RAD52: variants seen among roughly 807,000 people sequenced by gnomAD.
RAD52 encodes the protein DNA repair protein RAD52 homolog.
RAD52 carries 47 observed loss-of-function variants against 55.5 expected under a neutral mutation model. The ratio of observed to expected loss-of-function variants is 0.85; its 90% CI spans 0.67 to 1.08. The LOEUF (loss-of-function observed/expected upper bound fraction) is 1.08, where lower values mean the gene tolerates loss of function less well. RAD52 is among the 50% of genes least tolerant of loss of function. RAD52 has a pLI of 0.00. For synonymous variants in RAD52, 184 were observed against 198.9 expected (o/e 0.92, Z 0.63); for missense variants, 468 against 522.8 (o/e 0.90, Z 1.02).
intron 1 of RAD52, among the ~76,000 whole-genome samples, chr12:970,163 C>T (rs367725973): frequency 1.9e-4 from 29 of 151,756 alleles, no homozygotes; most frequent in Admixed American, 4.6e-4. Flanking sequence ...AAAAATTAGC[C>T]GGGTGTGGTG....
chr12:920,675 G>T (rs1956678540), intron 7 of RAD52, among the ~76,000 whole-genome samples: 1 of 152,198 alleles, frequency 6.6e-6, no homozygotes, highest in South Asian at 2.1e-4. Flanking sequence ...ATTGTAAGGT[G>T]AAATAAAAGC....
At chr12:918,998 T>A (rs2154109799) in intron 7 of RAD52, among the ~76,000 whole-genome samples, 1 of 152,106 alleles carries the variant, frequency 6.6e-6, no homozygotes, top group Non-Finnish European at 1.5e-5. Flanking sequence ...ATATATAAAG[T>A]TCAAAAACAG....
At chr12:913,776 C>T (rs1332243234) in intron 11 of RAD52, 118 bp downstream of exon 11, 2 of 958,704 alleles carry the variant, frequency 2.1e-6, no homozygotes, top group African/African-American at 1.6e-5. Flanking sequence ...GTACCATTCC[C>T]TAATAGAAGT....
chr12:914,065 C>T lies in RAD52; in HGVS notation c.1024G>A (p.Val342Met), dbSNP rs1447101835. The T allele has an allele frequency of 6.2e-7, 1 of 1,614,174 alleles. No homozygotes were observed. The highest frequency in any genetic ancestry group is 2.2e-5 in the East Asian group (1 of 44,876). The change falls in exon 11 of 12, where the codon GTG (valine) becomes ATG (methionine). Residue 342 changes from valine (V) to methionine (M), a missense_variant. Transcript: ENST00000358495. Reference protein sequence around the residue: ...WAVTPDAGDGVVKPSSRADPA... With the variant: ...WAVTPDAGDGMVKPSSRADPA... ...TCTGCTCTAGACGAGGGCTTGACCACACCATCCCCTGCATCGGGAGTCACA... is the reference window on the plus strand; with the variant it reads ...TCTGCTCTAGACGAGGGCTTGACCATACCATCCCCTGCATCGGGAGTCACA...
At chr12:917,547 G>A (rs990186613) in intron 7 of RAD52, among the ~76,000 whole-genome samples, 7 of 152,058 alleles carry the variant, frequency 4.6e-5, no homozygotes, top group African/African-American at 1.7e-4. Flanking sequence ...TTATAGTGCA[G>A]ATTTCATGTC....
chr12:986,227 C>T (rs1027713375), intron 1 of RAD52, among the ~76,000 whole-genome samples: 3 of 152,256 alleles, frequency 2.0e-5, no homozygotes, highest in African/African-American at 4.8e-5. Context: ...AGCCGCCGCA[C>T]CTGGCCTTGT....
chr12:942,505 T>C (rs1481676275), intron 1 of RAD52, among the ~76,000 whole-genome samples: 2 of 152,184 alleles, frequency 1.3e-5, no homozygotes, highest in African/African-American at 4.8e-5. Context: ...TCCCAGCATG[T>C]TGGGAGACCG....
In RAD52 at chr12:920,332, A is replaced by G. The variant is rs1253251028; in HGVS notation, c.544-3512T>C. ...AGCATTTTGGGAGGCCGAGGTGGGC[A>G]GATCACGAGGTCAGGATATCGAGAC... is the stretch of plus-strand genomic sequence containing the variant. On this transcript the variant is annotated intron_variant, in intron 7 of 11. Coordinates refer to ENST00000358495, the MANE Select transcript of RAD52 (RefSeq NM_134424.4). 2.5e-5 allele frequency among the ~76,000 whole-genome samples: 3 copies of G among 118,394 alleles called. 1 individual carries two copies. Among genetic ancestry groups the G allele is most frequent in the African/African-American group, 7.0e-5 (2 of 28,750 alleles). 77.7% of individuals were successfully genotyped at this position (118,394 alleles called of 152,430 possible).
At chr12:920,511 C>T (rs1312197752) in intron 7 of RAD52, among the ~76,000 whole-genome samples, 3 of 150,136 alleles carry the variant, frequency 2.0e-5, no homozygotes, top group Admixed American at 6.6e-5. Context: ...GAGCTGAGAT[C>T]GCACCGCCAC....
Position 931,202 on chromosome 12 carries a change from G to A in RAD52, c.186+18C>T. On this transcript the variant is annotated intron_variant, in intron 3 of 11. Transcript: ENST00000358495. ...TGCGGTATGGATGCCTGCTTTCCAG[G>A]CACATGAATTCTCCTACCTTCTGGC... The A allele has an allele frequency of 1.9e-6, 3 of 1,599,976 alleles. No individual in the cohort carries two copies. The highest frequency in any genetic ancestry group is 1.1e-5 in the South Asian group (1 of 90,760).
chr12:937,101 TACAGAAGCTGAGGGGTCCGTCC>T (rs1334889261), intron 1 of RAD52, among the ~76,000 whole-genome samples: 1 of 152,154 alleles, frequency 6.6e-6, no homozygotes, highest in Non-Finnish European at 1.5e-5. Flanking sequence ...TCCAGTGAGA[TACAGAAGCTGAGGGGTCCGTCC>T]ACCCTTCCTT....
At chr12:986,917 A>G (rs954134217) in intron 1 of RAD52, among the ~76,000 whole-genome samples, 2 of 151,920 alleles carry the variant, frequency 1.3e-5, no homozygotes, top group Admixed American at 6.6e-5. Flanking sequence ...GTTGTCAGAT[A>G]CCCTGATTTC....
rs935644260 is a variant in RAD52 at position 983,406 on chromosome 12, G to T, written c.-19+6403C>A. Among the ~76,000 whole-genome samples, 8 of 115,938 alleles carry T rather than the reference G, an allele frequency of 6.9e-5. No homozygotes were observed. In the East Asian group the frequency reaches 2.0e-3, roughly 29 times the overall value. The allele number at this position is 115,938 out of a possible 152,430, so 76.1% of individuals were successfully genotyped here. On this transcript the variant is annotated intron_variant, in intron 1 of 11. Coordinates refer to the RAD52 transcript ENST00000430095. The stretch of plus-strand genomic sequence containing the variant: ...AGGTGTCAGCAGGTTGTTTTTTCCT[G>T]AAGATTTTTTTTTTTTTTTTTTTTT...
intron 1 of RAD52, among the ~76,000 whole-genome samples, chr12:962,140 G>A (rs1565704687): frequency 6.6e-6 from 1 of 152,112 alleles, no homozygotes; most frequent in African/African-American, 2.4e-5. Flanking sequence ...GCAGAGAGAA[G>A]AAAATGTTTC....
At position 932,986 on chromosome 12, in the gene RAD52, A is replaced by G. The variant is rs764327171; in HGVS notation, c.73T>C (p.Cys25Arg). ...GGAACCACAGTTACCTGTCCAAAGC[A>G]TAACACTGAGCCGCCGCCAGCAGCA... ...HPAAGGGSVL[C>R]FGQCQYTAEE... Residue 25 changes from cysteine (C) to arginine (R), a missense_variant, in exon 2 of 12, where the codon TGC becomes CGC. Cys to Arg is a radical substitution (Grantham distance 180, BLOSUM62 -3). Coordinates refer to ENST00000358495, the MANE Select transcript of RAD52 (RefSeq NM_134424.4). 4 of 1,614,076 alleles carry G rather than the reference A, an allele frequency of 2.5e-6. No homozygotes were observed. The highest frequency in any genetic ancestry group is 2.2e-5 in the East Asian group (1 of 44,878).
rs141432162 is a variant in RAD52 at position 986,427 on chromosome 12, T to C, written c.-19+3382A>G. Among the ~76,000 whole-genome samples, 105 of 151,956 alleles carry C rather than the reference T, an allele frequency of 6.9e-4. 1 individual carries two copies. The highest frequency in any genetic ancestry group is 6.8e-3 in the Middle Eastern group (2 of 292). On this transcript the variant is annotated intron_variant, in intron 1 of 11. Coordinates refer to the RAD52 transcript ENST00000430095. ...TTGCCCAGGCTGGAGAGTGGTACCATTATAGTGCACTGCAGCCTTGAACTC... is the reference window on the plus strand; with the variant it reads ...TTGCCCAGGCTGGAGAGTGGTACCACTATAGTGCACTGCAGCCTTGAACTC...
intron 7 of RAD52, among the ~76,000 whole-genome samples, chr12:922,429 G>A (rs1056035991): frequency 6.6e-6 from 1 of 152,084 alleles, no homozygotes; most frequent in East Asian, 1.9e-4. Flanking sequence ...ACACACCCTC[G>A]TTCATAGCAG....
Position 931,286 on chromosome 12 carries a change from C to A in RAD52, c.120G>T (p.Gln40His). Residue 40 changes from glutamine to histidine, a missense_variant, in exon 3 of 12, where the codon CAG (glutamine) becomes CAT (histidine). By Grantham distance (24) the Gln-to-His change is conservative. Transcript: ENST00000358495. ...QYTAEEYQAI[Q>H]KALRQRLGPE... ...GGCCCAGCCTCTGCCTCAGGGCCTT[C>A]TGGATGGCCTGGTACTCTTCTGCTG... 1 of 1,612,132 alleles carries A rather than the reference C, an allele frequency of 6.2e-7. No individual in the cohort carries two copies. The highest frequency in any genetic ancestry group is 1.1e-5 in the South Asian group (1 of 90,906).
At chr12:943,641 G>A (rs1337857437) in intron 1 of RAD52, among the ~76,000 whole-genome samples, 6 of 151,962 alleles carry the variant, frequency 3.9e-5, no homozygotes, top group Admixed American at 2.6e-4. Context: ...GAGCCACCGC[G>A]CCTGGCCTAT....
Sources: gnomAD v4.1 joint callset for allele counts (sites outside exome capture counted in the v4.1 genomes callset) on GRCh38, gnomAD v4.1.1 for gene constraint, MANE v1.5 for transcripts, NCBI Gene and HGNC (gene_info 2026-07-23, HGNC 2026-07-21) for gene names.